DSE: variants seen among roughly 807,000 people sequenced by gnomAD.
DSE encodes dermatan sulfate epimerase.
Under a neutral mutation model 84.4 loss-of-function variants are expected in DSE, and 36 were observed. The ratio of observed to expected loss-of-function variants is 0.43; its 90% CI spans 0.33 to 0.56. The LOEUF is 0.56. Ranked by LOEUF, DSE falls within the 20% of genes least tolerant of loss-of-function variation. The pLI, the probability that DSE is intolerant of heterozygous loss-of-function variation, is 0.06. For synonymous variants in DSE, 410 were observed against 430.1 expected, an observed-to-expected ratio of 0.95 and a Z score of 0.58; for missense variants, 862 against 1,169.6, an observed-to-expected ratio of 0.74 and a Z score of 3.84.
At chr6:116,275,411 C>T (rs1373241732) in intron 2 of DSE, among the ~76,000 whole-genome samples, 2 of 152,214 alleles carry the variant, frequency 1.3e-5, no homozygotes, top group Non-Finnish European at 2.9e-5. Flanking sequence ...TTCCCATTTG[C>T]TCATTAAATC....
chr6:116,325,605 C>A (rs187755137), intron 2 of DSE, among the ~76,000 whole-genome samples: 2 of 152,240 alleles, frequency 1.3e-5, no homozygotes, highest in Admixed American at 1.3e-4. Context: ...GTTTATACAA[C>A]GTCTGTTTGC....
At chr6:116,301,058 G>T (rs995261081) in intron 2 of DSE, among the ~76,000 whole-genome samples, 1 of 151,966 alleles carries the variant, frequency 6.6e-6, no homozygotes, top group Non-Finnish European at 1.5e-5. Flanking sequence ...ATGGAAGAAG[G>T]TCCTAAGAGA....
intron 2 of DSE, among the ~76,000 whole-genome samples, chr6:116,332,845 T>C (rs1777033153): frequency 6.6e-6 from 1 of 152,044 alleles, no homozygotes; most frequent in Non-Finnish European, 1.5e-5. Context: ...TATAAAAAAA[T>C]CCAATGAAAA....
chr6:116,343,273 G>T (rs118175320), intron 2 of DSE, among the ~76,000 whole-genome samples: 3,400 of 152,312 alleles, frequency 0.022, 56 homozygotes, highest in South Asian at 0.068. Context: ...AAACGTCCCT[G>T]TCCAAAAGCT....
intron 2 of DSE, among the ~76,000 whole-genome samples, chr6:116,421,751 G>A (rs756977176): frequency 6.6e-6 from 1 of 151,916 alleles, no homozygotes; most frequent in African/African-American, 2.4e-5. Flanking sequence ...ATAAGCCACT[G>A]TACCCAGCCA....
At chr6:116,423,526 G>C (rs543079842) in intron 2 of DSE, among the ~76,000 whole-genome samples, 6 of 152,302 alleles carry the variant, frequency 3.9e-5, no homozygotes, top group South Asian at 4.1e-4. Context: ...AAAGATTGGT[G>C]AATCTGTGTA....
intron 2 of DSE, chr6:116,412,613 T>C (rs1782452585): frequency 6.6e-6 from 1 of 152,250 alleles, no homozygotes. Flanking sequence ...TGACCTACAG[T>C]AACAAACAAC....
At chr6:116,348,436 A>G (rs1009308824) in intron 2 of DSE, among the ~76,000 whole-genome samples, 3 of 97,816 alleles carry the variant, frequency 3.1e-5, no homozygotes, top group Non-Finnish European at 6.2e-5. Flanking sequence ...CAAAAAAAAC[A>G]AAAAAAAACA....
chr6:116,371,523 C>G (rs1003995686), intron 1 of DSE, among the ~76,000 whole-genome samples: 5 of 152,214 alleles, frequency 3.3e-5, no homozygotes, highest in Non-Finnish European at 5.9e-5. Context: ...GGTTGGGTGG[C>G]ACACCCTCGC....
At chr6:116,427,422 T>C (rs1249376927) in intron 3 of DSE, among the ~76,000 whole-genome samples, 3 of 152,224 alleles carry the variant, frequency 2.0e-5, no homozygotes, top group Non-Finnish European at 4.4e-5. Flanking sequence ...ATTAAGATTG[T>C]GTTTAAGAAA....
intron 2 of DSE, among the ~76,000 whole-genome samples, chr6:116,338,580 T>C (rs1777406082): frequency 6.6e-6 from 1 of 151,670 alleles, no homozygotes; most frequent in African/African-American, 2.4e-5. Context: ...GAATTTAGAG[T>C]TCATTATAAT....
intron 2 of DSE, among the ~76,000 whole-genome samples, chr6:116,360,396 G>GA (rs1459962415): frequency 3.9e-5 from 6 of 151,990 alleles, no homozygotes; most frequent in East Asian, 1.9e-4. Flanking sequence ...TCTGCATCTG[G>GA]AAAAAAAGTC....
chr6:116,254,347 C>T, intron 1 of DSE: 1 of 546,610 alleles, frequency 1.8e-6, no homozygotes, highest in South Asian at 1.5e-5. Flanking sequence ...ATTTCTAAGG[C>T]ACCTAACCTA....
intron 2 of DSE, among the ~76,000 whole-genome samples, chr6:116,272,255 ACTG>A (rs1772914225): frequency 1.3e-5 from 2 of 152,182 alleles, no homozygotes. Flanking sequence ...TATAAATAAA[ACTG>A]CTATGACCAT....
At chr6:116,373,093 G>A (rs1444882877) in intron 1 of DSE, among the ~76,000 whole-genome samples, 1 of 150,464 alleles carries the variant, frequency 6.6e-6, no homozygotes, top group African/African-American at 2.4e-5. Flanking sequence ...GGTGGCTCAC[G>A]CCTGTAATCC....
At position 116,438,757 on chromosome 6, in the gene DSE, C is replaced by G. The variant is rs1784326445; in HGVS notation, c.*1412C>G. 6.6e-6 allele frequency: 1 copy of G among 152,214 alleles called. No homozygotes were observed. The highest frequency in any genetic ancestry group is 1.5e-5 in the Non-Finnish European group (1 of 68,030). The allele number at this position is 152,214 out of a possible 1,614,324, so 9.4% of individuals were successfully genotyped here. ...TAAAGTAACAACAGTAACCTTTCCT[C>G]TTACTTGCTCTTTTAGTTCACAGCA... On this transcript the variant is annotated 3_prime_UTR_variant, in exon 6 of 6. Coordinates refer to ENST00000644252, the MANE Select transcript of DSE (RefSeq NM_013352.4).
intron 2 of DSE, among the ~76,000 whole-genome samples, chr6:116,421,360 G>A (rs573892480): frequency 9.1e-4 from 121 of 132,686 alleles, no homozygotes; most frequent in Non-Finnish European, 1.5e-3. Flanking sequence ...ACATTTATTT[G>A]TTCATTTACT....
chr6:116,358,610 C>T (rs1385166914), intron 2 of DSE, among the ~76,000 whole-genome samples: 2 of 152,204 alleles, frequency 1.3e-5, no homozygotes, highest in Admixed American at 1.3e-4. Context: ...ACTCCAACTA[C>T]TGCAGAATTT....
At chr6:116,343,204 C>T (rs2498706) in intron 2 of DSE, among the ~76,000 whole-genome samples, 3,411 of 152,308 alleles carry the variant, frequency 0.022, 138 homozygotes, top group African/African-American at 0.078. Context: ...CCTCTGTAGA[C>T]TCCACCTCTG....
Sources: allele counts gnomAD v4.1 joint callset (sites outside exome capture counted in the v4.1 genomes callset), GRCh38; gene constraint gnomAD v4.1.1; transcripts MANE v1.5; gene names NCBI Gene and HGNC (gene_info 2026-07-23, HGNC 2026-07-21).